The following THSD7A variants were observed in gnomAD, a reference collection of about 807,000 sequenced individuals.
THSD7A encodes thrombospondin type 1 domain containing 7A, also known as thrombospondin type-1 domain-containing protein 7A.
THSD7A carries 96 observed loss-of-function variants against 231.3 expected under a neutral mutation model. That is an observed-to-expected ratio of 0.41 (90% CI 0.35 to 0.49). The LOEUF (loss-of-function observed/expected upper bound fraction) is 0.49. THSD7A is among the 20% of genes least tolerant of loss of function. THSD7A has a pLI of 0.05. For synonymous variants in THSD7A, 940 were observed against 743.3 expected (o/e 1.26, Z -4.30); for missense variants, 2,290 against 2,070.2 (o/e 1.11, Z -2.06).
At position 11,484,874 on chromosome 7, in the gene THSD7A, A is replaced by ATTTTT. The variant is rs56353626; in HGVS notation, c.1823-2897_1823-2893dup. On this transcript the variant is annotated intron_variant, in intron 6 of 27. Coordinates refer to ENST00000423059, the MANE Select transcript of THSD7A (RefSeq NM_015204.3). Reference sequence around the variant, plus strand: ...CTCAACCCACTGAATCACAACCTTAATTTTTTTTTTTTTTTTTTTTTTTTT... The same window carrying ATTTTT: ...CTCAACCCACTGAATCACAACCTTAATTTTTTTTTTTTTTTTTTTTTTTTTTTTTT... Among the ~76,000 whole-genome samples the ATTTTT allele has an allele frequency of 4.9e-3, 261 of 53,800 alleles. 55 individuals carry two copies. Among genetic ancestry groups the ATTTTT allele is most frequent in the African/African-American group, 0.014 (191 of 13,364 alleles). The allele number at this position is 53,800 out of a possible 152,430, so 35.3% of individuals were successfully genotyped here. A position where few individuals can be genotyped will look rare whatever the true frequency, so the allele number is the denominator to read the frequency against.
At position 11,637,785 on chromosome 7, in the gene THSD7A, T is replaced by C. The variant is rs1185581699; in HGVS notation, c.191-824A>G. 6.6e-6 allele frequency among the ~76,000 whole-genome samples: 1 copy of C among 152,180 alleles called. No homozygotes were observed. Among genetic ancestry groups the C allele is most frequent in the Non-Finnish European group, 1.5e-5 (1 of 68,034 alleles). ...AGTGGCTTTAATATGAAATATGGGT[T>C]TTTTTCTGTGAAATCCTTCTTAGAA... On this transcript the variant is annotated intron_variant, in intron 1 of 27. Transcript: ENST00000423059. This position sits in a 1 kb window ranked among gnomAD's most constrained non-coding sequence, Gnocchi z 4.2.
rs1354779272 is a variant in THSD7A, at chr7:11,644,727, A to G, written c.191-7766T>C. 2.6e-5 allele frequency among the ~76,000 whole-genome samples: 4 copies of G among 151,974 alleles called. No individual in the cohort carries two copies. The East Asian group carries it at 7.7e-4, about 29-fold the overall frequency. On this transcript the variant is annotated intron_variant, in intron 1 of 27. Transcript: ENST00000423059. ...CTGATTTTACAATGCTAAACACAAT[A>G]ATCTATTTTTAGGATCTATTATACT... is the stretch of plus-strand genomic sequence containing the variant.
At chr7:11,799,915 A>C (rs905722509) in intron 1 of THSD7A, among the ~76,000 whole-genome samples, 6 of 152,218 alleles carry the variant, frequency 3.9e-5, no homozygotes, top group African/African-American at 2.4e-5. Context: ...TTACACTATT[A>C]ATTAGCAACC....
chr7:11,612,142 G>A lies in THSD7A; in HGVS notation c.1023-18640C>T, dbSNP rs114515502. ...GTCCCTCCAAAGGTTCTACTGAATC[G>A]CACCCATGATGACCCCATGCTGTTC... On this transcript the variant is annotated intron_variant, in intron 2 of 27. Transcript: ENST00000423059. 4.3e-3 allele frequency among the ~76,000 whole-genome samples: 658 copies of A among 152,124 alleles called. 2 individuals are homozygous for A. The highest frequency in any genetic ancestry group is 0.015 in the African/African-American group (617 of 41,476).
intron 1 of THSD7A, among the ~76,000 whole-genome samples, chr7:11,726,564 TG>T (rs1304113274): frequency 1.3e-5 from 2 of 152,014 alleles, no homozygotes; most frequent in African/African-American, 4.8e-5. Context: ...TGCACCCTAA[TG>T]GTTCCCTTTC....
intron 6 of THSD7A, among the ~76,000 whole-genome samples, chr7:11,500,752 T>C (rs1262251705): frequency 6.6e-6 from 1 of 151,910 alleles, no homozygotes; most frequent in African/African-American, 2.4e-5. Flanking sequence ...CTGGCCAAGA[T>C]GGTGAAAACC....
intron 1 of THSD7A, among the ~76,000 whole-genome samples, chr7:11,759,460 A>C (rs1562534215): frequency 1.3e-5 from 2 of 152,088 alleles, no homozygotes; most frequent in Non-Finnish European, 2.9e-5. Context: ...CAGACATATG[A>C]ATATGTGACA....
At chr7:11,789,431 T>C (rs745819173) in intron 1 of THSD7A, among the ~76,000 whole-genome samples, 1 of 152,074 alleles carries the variant, frequency 6.6e-6, no homozygotes, top group African/African-American at 2.4e-5. Context: ...AGGAGGTCAC[T>C]GCAGTCAGCC....
chr7:11,804,889 G>C (rs140321215), intron 1 of THSD7A, among the ~76,000 whole-genome samples: 1 of 152,276 alleles, frequency 6.6e-6, no homozygotes, highest in East Asian at 1.9e-4. Context: ...TGTTGGAAAA[G>C]TAATAGAGGA....
chr7:11,382,503 G>T lies in THSD7A; in HGVS notation c.4507+18C>A, dbSNP rs374396339. 10 of 1,590,798 alleles carry T rather than the reference G, an allele frequency of 6.3e-6. No individual in the cohort carries two copies. The highest frequency in any genetic ancestry group is 8.6e-6 in the Non-Finnish European group (10 of 1,160,266). On this transcript the variant is annotated intron_variant, in intron 24 of 27. Coordinates refer to ENST00000423059, the MANE Select transcript of THSD7A (RefSeq NM_015204.3). ...TACAGGAAGATTTTCAAAGGACAAA[G>T]AGAAACTGGAGGTTTACCTGTTACA...
chr7:11,673,117 C>T (rs1562463675), intron 1 of THSD7A, among the ~76,000 whole-genome samples: 1 of 152,120 alleles, frequency 6.6e-6, no homozygotes, highest in Non-Finnish European at 1.5e-5. Flanking sequence ...GACACAGACA[C>T]TATGCTTGAA....
rs1784980302 is a variant in THSD7A at position 11,446,634 on chromosome 7, C to T, written c.2801-310G>A. On this transcript the variant is annotated intron_variant, in intron 12 of 27. Transcript: ENST00000423059. The surrounding 1 kb of genome is among the most constrained non-coding windows in gnomAD (Gnocchi z 4.0). ...CATAGGCTGTGTTATATAGTTTCGA[C>T]AGTCTTCATTACATAGGTGGTTCAT... Among the ~76,000 whole-genome samples, 3 of 152,030 alleles carry T rather than the reference C, an allele frequency of 2.0e-5. No homozygotes were observed. The highest frequency in any genetic ancestry group is 6.6e-5 in the Admixed American group (1 of 15,254).
chr7:11,814,801 G>A lies in THSD7A; in HGVS notation c.190+16956C>T, dbSNP rs900946733. On this transcript the variant is annotated intron_variant, in intron 1 of 27. Transcript: ENST00000423059. This position sits in a 1 kb window ranked among gnomAD's most constrained non-coding sequence, Gnocchi z 5.1. Reference sequence around the variant, plus strand: ...ATCCATTTTGATGACTCTCCCATTAGAGGTATGTAGTCACCACAGCAAACT... The same window carrying A: ...ATCCATTTTGATGACTCTCCCATTAAAGGTATGTAGTCACCACAGCAAACT... Among the ~76,000 whole-genome samples the A allele has an allele frequency of 6.6e-6, 1 of 152,062 alleles. No individual in the cohort carries two copies. The highest frequency in any genetic ancestry group is 1.5e-5 in the Non-Finnish European group (1 of 68,004).
chr7:11,506,189 C>T (rs901257679), intron 6 of THSD7A, among the ~76,000 whole-genome samples: 12 of 152,092 alleles, frequency 7.9e-5, no homozygotes, highest in Non-Finnish European at 1.6e-4. Flanking sequence ...GATGGGGTTT[C>T]GCTGTGTTAG....
chr7:11,399,219 ATAGT>A (rs1042892688), intron 23 of THSD7A, among the ~76,000 whole-genome samples: 3 of 152,224 alleles, frequency 2.0e-5, no homozygotes, highest in African/African-American at 7.2e-5. Context: ...AGGTTTGAAA[ATAGT>A]TATATAATCT....
At chr7:11,751,882 G>C (rs1046048842) in intron 1 of THSD7A, among the ~76,000 whole-genome samples, 9 of 152,030 alleles carry the variant, frequency 5.9e-5, no homozygotes, top group African/African-American at 2.2e-4. Context: ...ACTCCCCAAA[G>C]ACTGATGAGT....
intron 4 of THSD7A, among the ~76,000 whole-genome samples, chr7:11,543,956 G>C (rs750167179): frequency 6.6e-6 from 1 of 152,074 alleles, no homozygotes; most frequent in Non-Finnish European, 1.5e-5. Context: ...CAGAGGAAGA[G>C]AATCAAGTTT....
chr7:11,436,679 G>T (rs1389536361), intron 13 of THSD7A, among the ~76,000 whole-genome samples: 1 of 145,498 alleles, frequency 6.9e-6, no homozygotes, highest in Non-Finnish European at 1.5e-5. Flanking sequence ...TTTAAAGTAG[G>T]TTTTTTTTTT....
chr7:11,803,968 C>T (rs975155094), intron 1 of THSD7A, among the ~76,000 whole-genome samples: 3 of 151,900 alleles, frequency 2.0e-5, no homozygotes, highest in African/African-American at 7.3e-5. Context: ...ATGACAAATA[C>T]AGTTTTGTAT....
Sources: allele counts gnomAD v4.1 joint callset (sites outside exome capture counted in the v4.1 genomes callset), GRCh38; gene constraint gnomAD v4.1.1; non-coding constraint Gnocchi (gnomAD v3.1); transcripts MANE v1.5; gene names NCBI Gene and HGNC (gene_info 2026-07-23, HGNC 2026-07-21).